Variants in GRID2 observed in about 807,000 individuals in gnomAD.
GRID2 encodes glutamate receptor ionotropic, delta-2.
A neutral mutation model predicts 114.8 loss-of-function variants in GRID2; 33 were observed. The ratio of observed to expected loss-of-function variants is 0.29; its 90% CI spans 0.22 to 0.38. The LOEUF (loss-of-function observed/expected upper bound fraction) is 0.38. Ranked by LOEUF, GRID2 falls within the 10% of genes least tolerant of loss-of-function variation. GRID2 has a pLI of 1.00. For missense variants in GRID2, 1,184 were observed against 1,257.7 expected, an observed-to-expected ratio of 0.94 and a Z score of 0.89; for synonymous variants, 505 against 449.9, an observed-to-expected ratio of 1.12 and a Z score of -1.55.
At chr4:93,021,372 TAAG>T (rs1723267305) in intron 2 of GRID2, among the ~76,000 whole-genome samples, 1 of 150,368 alleles carries the variant, frequency 6.7e-6, no homozygotes, top group African/African-American at 2.4e-5. Context: ...AAGAACATAT[TAAG>T]AGATCTATAT....
intron 2 of GRID2, among the ~76,000 whole-genome samples, chr4:93,084,323 G>T (rs927049588): frequency 6.6e-6 from 1 of 152,110 alleles, no homozygotes; most frequent in African/African-American, 2.4e-5. Flanking sequence ...ATTATAAATT[G>T]TTGATCTAGG....
chr4:93,203,645 T>C (rs898624468), intron 4 of GRID2, among the ~76,000 whole-genome samples: 1 of 152,168 alleles, frequency 6.6e-6, no homozygotes, highest in Non-Finnish European at 1.5e-5. Context: ...CTGAAGTTAA[T>C]AAAAATGCTT....
chr4:92,955,419 G>A (rs986024512), intron 2 of GRID2, among the ~76,000 whole-genome samples: 1 of 152,114 alleles, frequency 6.6e-6, no homozygotes. Flanking sequence ...GTCTTCTTTT[G>A]AGAAGTGTCT....
At chr4:93,289,466 A>T (rs1043428325) in intron 8 of GRID2, among the ~76,000 whole-genome samples, 2 of 152,162 alleles carry the variant, frequency 1.3e-5, no homozygotes, top group Non-Finnish European at 2.9e-5. Flanking sequence ...TCCTTAAAGG[A>T]TGCTGGCTGC....
At chr4:92,563,200 G>C (rs1203399762) in intron 1 of GRID2, among the ~76,000 whole-genome samples, 1 of 152,088 alleles carries the variant, frequency 6.6e-6, no homozygotes, top group Non-Finnish European at 1.5e-5. Context: ...TGGTTGTTAG[G>C]ATTATGTGCT....
chr4:93,399,014 C>T (rs969366435), intron 9 of GRID2, among the ~76,000 whole-genome samples: 1 of 151,876 alleles, frequency 6.6e-6, no homozygotes, highest in African/African-American at 2.4e-5. Context: ...GAGAACCACT[C>T]TCCCCTCACC....
At chr4:93,691,926 T>G (rs76724930) in intron 14 of GRID2, among the ~76,000 whole-genome samples, 18 of 151,988 alleles carry the variant, frequency 1.2e-4, no homozygotes, top group African/African-American at 4.3e-4. Context: ...ACAGTGTGTG[T>G]GTGTATGTAT....
intron 13 of GRID2, among the ~76,000 whole-genome samples, chr4:93,544,930 G>A (rs997163623): frequency 4.6e-5 from 7 of 152,276 alleles, no homozygotes; most frequent in African/African-American, 1.7e-4. Context: ...CTTTAGAGGT[G>A]ACTGCCTCAT....
chr4:93,008,744 A>G (rs1473670596), intron 2 of GRID2, among the ~76,000 whole-genome samples: 2 of 152,132 alleles, frequency 1.3e-5, no homozygotes, highest in Admixed American at 6.6e-5. Context: ...TCGGCCATAG[A>G]TAGCTGTTTT....
At chr4:93,585,307 G>T (rs1394891716) in intron 13 of GRID2, among the ~76,000 whole-genome samples, 1 of 152,076 alleles carries the variant, frequency 6.6e-6, no homozygotes, top group Admixed American at 6.6e-5. Flanking sequence ...GTCTGTGAGT[G>T]ATCTGGGCAC....
intron 1 of GRID2, among the ~76,000 whole-genome samples, chr4:92,325,452 T>A (rs1176858061): frequency 6.6e-6 from 1 of 151,930 alleles, no homozygotes; most frequent in Non-Finnish European, 1.5e-5. Context: ...ATAGACTTTA[T>A]TTAAATAATT....
In GRID2 at chr4:93,800,423, A is replaced by G. The variant is rs536821354; in HGVS notation, c.222-6292A>G. ...GGATCGAACAATTTGGAAACACCCA[A>G]TTTCTAGAGATGTAAGTAGCATTGA... On this transcript the variant is annotated intron_variant, in intron 1 of 1. Coordinates refer to the GRID2 transcript ENST00000637838. Among the ~76,000 whole-genome samples the G allele has an allele frequency of 5.9e-5, 9 of 152,320 alleles. No homozygotes were observed. In the East Asian group the frequency reaches 1.5e-3, roughly 26 times the overall value.
At chr4:92,891,855 C>T (rs925713938) in intron 2 of GRID2, among the ~76,000 whole-genome samples, 1 of 151,948 alleles carries the variant, frequency 6.6e-6, no homozygotes, top group East Asian at 1.9e-4. Flanking sequence ...GCATAAATGG[C>T]CATTAAAGTC....
chr4:92,467,476 C>A (rs1284507666), intron 1 of GRID2, among the ~76,000 whole-genome samples: 2 of 151,900 alleles, frequency 1.3e-5, no homozygotes, highest in African/African-American at 4.8e-5. Flanking sequence ...AAAAAGGGAC[C>A]ACTACCCCTT....
At chr4:92,309,823 C>T (rs1251692868) in intron 1 of GRID2, among the ~76,000 whole-genome samples, 1 of 151,764 alleles carries the variant, frequency 6.6e-6, no homozygotes, top group African/African-American at 2.4e-5. Context: ...TGAATAAAAT[C>T]TAAGACACCT....
rs533063780 is a variant in GRID2 at position 93,116,409 on chromosome 4, T to G, written c.735+5456T>G. ...GCTTATGTTTTATCACTATAAATAT[T>G]GTTCACTGTACAACAAAGTATTAAG... On this transcript the variant is annotated intron_variant, in intron 4 of 15. Transcript: ENST00000282020. 3.2e-4 allele frequency among the ~76,000 whole-genome samples: 49 copies of G among 152,340 alleles called. 1 individual carries two copies. The highest frequency in any genetic ancestry group is 1.1e-3 in the African/African-American group (47 of 41,590).
At chr4:92,979,760 A>AATTAGTGCAAG (rs1273881244) in intron 2 of GRID2, among the ~76,000 whole-genome samples, 1 of 152,074 alleles carries the variant, frequency 6.6e-6, no homozygotes, top group African/African-American at 2.4e-5. Flanking sequence ...CATACTTTGG[A>AATTAGTGCAAG]ATTAGTGCAA....
chr4:93,610,917 G>T (rs1740815630), intron 13 of GRID2, among the ~76,000 whole-genome samples: 1 of 140,682 alleles, frequency 7.1e-6, no homozygotes, highest in South Asian at 2.3e-4. Context: ...ACTTCCGGTA[G>T]AATTTGGCTG....
intron 14 of GRID2, among the ~76,000 whole-genome samples, chr4:93,741,649 C>T (rs956492258): frequency 1.3e-5 from 2 of 152,216 alleles, no homozygotes; most frequent in East Asian, 1.9e-4. Context: ...AAGTGTTGGC[C>T]GAGCACAGTG....
Sources: gnomAD v4.1 joint callset for allele counts (sites outside exome capture counted in the v4.1 genomes callset) on GRCh38, gnomAD v4.1.1 for gene constraint, MANE v1.5 for transcripts, NCBI Gene and HGNC (gene_info 2026-07-23, HGNC 2026-07-21) for gene names.